GLRA2: variants seen among roughly 807,000 people sequenced by gnomAD.
The protein encoded by GLRA2 is glycine receptor subunit alpha-2.
In GLRA2, 11 loss-of-function variants were observed where a neutral mutation model predicts 31.6. The ratio of observed to expected loss-of-function variants is 0.35; its 90% confidence interval spans 0.22 to 0.58. The LOEUF (loss-of-function observed/expected upper bound fraction) is 0.58, where lower values mean the gene tolerates loss of function less well. Ranked by LOEUF, GLRA2 falls within the 20% of genes least tolerant of loss-of-function variation. GLRA2 has a pLI of 0.84. For synonymous variants in GLRA2, 132 were observed against 134.0 expected (o/e 0.99, Z 0.10); for missense variants, 212 against 351.8 (o/e 0.60, Z 3.18).
intron 7 of GLRA2, among the ~76,000 whole-genome samples, chrX:14,687,028 G>T (rs1401176028): frequency 4.5e-5 from 5 of 111,680 alleles, no homozygotes; most frequent in Non-Finnish European, 7.5e-5. Flanking sequence ...ACATTTGCTT[G>T]TCTGTAAAGG....
At chrX:14,663,542 A>C (rs867159952) in intron 7 of GLRA2, among the ~76,000 whole-genome samples, 1 of 106,849 alleles carries the variant, frequency 9.4e-6, no homozygotes, top group East Asian at 2.8e-4. Context: ...CACACACACA[A>C]AATAACTGAA....
At chrX:14,708,920 G>C (rs1350027801) in intron 8 of GLRA2, among the ~76,000 whole-genome samples, 3 of 110,026 alleles carry the variant, frequency 2.7e-5, no homozygotes, top group Non-Finnish European at 3.8e-5. Flanking sequence ...TGGGCAACAA[G>C]AGAGAAACTC....
chrX:14,481,643 C>G, the GLRA2 span, among the ~76,000 whole-genome samples: 1 of 111,928 alleles, frequency 8.9e-6, no homozygotes, highest in Non-Finnish European at 1.9e-5. Context: ...CTTATCTAAA[C>G]TGGATATTCT....
chrX:14,678,523 A>G (rs1226749895), intron 7 of GLRA2, among the ~76,000 whole-genome samples: 1 of 111,337 alleles, frequency 9.0e-6, no homozygotes, highest in African/African-American at 3.3e-5. Flanking sequence ...AGTCTGTGCA[A>G]TAGATTGAGT....
Position 14,730,743 on chromosome X carries a change from C to T in GLRA2, c.*258C>T, listed in dbSNP as rs919399623. ...TCCATAATCTTTAGCATTGTTCTTT[C>T]AGTCAGACATGATATGCGCAACATT... On this transcript the variant is annotated 3_prime_UTR_variant, in exon 9 of 9. Transcript: ENST00000218075. The T allele has an allele frequency of 4.7e-5, 16 of 337,068 alleles. No homozygotes were observed. The highest frequency in any genetic ancestry group is 3.9e-4 in the African/African-American group (15 of 38,489). The allele number at this position is 337,068 out of a possible 1,213,427, so 27.8% of individuals were successfully genotyped here. A position where few individuals can be genotyped will look rare whatever the true frequency, so the allele number is the denominator to read the frequency against.
In GLRA2 at chrX:14,537,374, T is replaced by C. The variant is rs755002729; in HGVS notation, c.202+5002T>C. Among the ~76,000 whole-genome samples the C allele has an allele frequency of 1.4e-4, 16 of 111,544 alleles. No homozygotes were observed. In the South Asian group the frequency reaches 3.4e-3, roughly 24 times the overall value. ...TGCTTCTTGAATGCTCATCATTATA[T>C]GTATTTCCAATTCAAAAGGGTAATT... On this transcript the variant is annotated intron_variant, in intron 2 of 8. Coordinates refer to ENST00000218075, the MANE Select transcript of GLRA2 (RefSeq NM_002063.4).
chrX:14,523,288 A>G, the GLRA2 span, among the ~76,000 whole-genome samples: 5 of 111,708 alleles, frequency 4.5e-5, no homozygotes, highest in Non-Finnish European at 9.4e-5. Context: ...GCCTTATAGA[A>G]TTGAAAAGAG....
chrX:14,640,279 A>G (rs1329431515), intron 7 of GLRA2, among the ~76,000 whole-genome samples: 1 of 111,265 alleles, frequency 9.0e-6, no homozygotes, highest in African/African-American at 3.3e-5. Flanking sequence ...CCCTAACATT[A>G]CGTGGTAAAC....
chrX:14,690,651 G>GTCTT, intron 7 of GLRA2, 59 bp from the exon 8 acceptor site: 1 of 861,630 alleles, frequency 1.2e-6, no homozygotes, highest in Non-Finnish European at 1.7e-6. Flanking sequence ...GGCTTTCATA[G>GTCTT]TCTTTCTTTC....
At chrX:14,536,488 G>A (rs2089325663) in intron 2 of GLRA2, among the ~76,000 whole-genome samples, 1 of 112,343 alleles carries the variant, frequency 8.9e-6, no homozygotes. Context: ...ATGCTTGCAA[G>A]TATCAGAAGC....
At chrX:14,657,526 G>T (rs981956012) in intron 7 of GLRA2, among the ~76,000 whole-genome samples, 3 of 112,549 alleles carry the variant, frequency 2.7e-5, no homozygotes, top group Non-Finnish European at 5.6e-5. Context: ...TCTGGGCATG[G>T]TGTCCTGGGT....
At chrX:14,656,188 G>A (rs1029038831) in intron 7 of GLRA2, among the ~76,000 whole-genome samples, 8 of 111,990 alleles carry the variant, frequency 7.1e-5, no homozygotes, top group African/African-American at 2.3e-4. Context: ...AAATATCAAA[G>A]TTGGGTCCCA....
At chrX:14,559,976 T>C (rs2089704782) in intron 2 of GLRA2, among the ~76,000 whole-genome samples, 1 of 111,658 alleles carries the variant, frequency 9.0e-6, no homozygotes, top group Non-Finnish European at 1.9e-5. Context: ...CTCTCTTTCA[T>C]GGGCATCAAA....
intron 7 of GLRA2, among the ~76,000 whole-genome samples, chrX:14,684,797 A>T (rs1012330314): frequency 1.4e-4 from 16 of 111,233 alleles, no homozygotes; most frequent in Non-Finnish European, 2.6e-4. Flanking sequence ...CCTAATTGAA[A>T]GCCCTTTATT....
chrX:14,654,049 C>T (rs912084636), intron 7 of GLRA2, among the ~76,000 whole-genome samples: 8 of 111,731 alleles, frequency 7.2e-5, no homozygotes, highest in African/African-American at 1.6e-4. Context: ...TGCTTGAGCC[C>T]AGGAAGTCAA....
At chrX:14,698,349 T>G (rs2091479569) in intron 8 of GLRA2, among the ~76,000 whole-genome samples, 1 of 111,014 alleles carries the variant, frequency 9.0e-6, no homozygotes, top group Non-Finnish European at 1.9e-5. Context: ...AAATGCATTG[T>G]GGCCTGAGTT....
At chrX:14,479,847 G>A in the GLRA2 span, among the ~76,000 whole-genome samples, 2 of 111,400 alleles carry the variant, frequency 1.8e-5, no homozygotes, top group Non-Finnish European at 1.9e-5. Context: ...GAGTACACAT[G>A]TTGTTTTGGT....
At chrX:14,544,052 G>C (rs2089443895) in intron 2 of GLRA2, among the ~76,000 whole-genome samples, 1 of 111,625 alleles carries the variant, frequency 9.0e-6, no homozygotes, top group Non-Finnish European at 1.9e-5. Context: ...ATAAGAGTGA[G>C]AAGGGCCCAG....
chrX:14,516,129 T>C, the GLRA2 span, among the ~76,000 whole-genome samples: 2 of 111,369 alleles, frequency 1.8e-5, no homozygotes, highest in African/African-American at 6.5e-5. Context: ...TCCTTTTGTA[T>C]AGCACACTTC....
Sources: gnomAD v4.1 joint callset for allele counts (sites outside exome capture counted in the v4.1 genomes callset) on GRCh38, gnomAD v4.1.1 for gene constraint, MANE v1.5 for transcripts, NCBI Gene and HGNC (gene_info 2026-07-23, HGNC 2026-07-21) for gene names.